The following RTN1 variants were observed in gnomAD, a reference collection of about 807,000 sequenced individuals.
RTN1 encodes reticulon-1.
Under a neutral mutation model 65.5 loss-of-function variants are expected in RTN1, and 25 were observed. That is an observed-to-expected ratio of 0.38 (90% confidence interval 0.28 to 0.53). RTN1 has a LOEUF of 0.53. Among genes scored for constraint, RTN1 ranks in the 20% least tolerant of loss-of-function variants. The probability of loss-of-function intolerance (pLI) is 0.79; values close to 1 mark genes in which losing one functional copy is unlikely to be tolerated. For missense variants in RTN1, 983 were observed against 1,025.4 expected (o/e 0.96, Z 0.57); for synonymous variants, 471 against 447.6 (o/e 1.05, Z -0.66).
At chr14:59,758,410 G>A (rs574211843) in intron 1 of RTN1, among the ~76,000 whole-genome samples, 5 of 152,248 alleles carry the variant, frequency 3.3e-5, no homozygotes, top group Admixed American at 1.3e-4. Context: ...GTCCCAGCCT[G>A]CCTTTAGGGT....
chr14:59,804,074 T>C (rs57581145), intron 1 of RTN1, among the ~76,000 whole-genome samples: 24,089 of 152,070 alleles, frequency 0.16, 2,351 homozygotes, highest in African/African-American at 0.27. Context: ...CATATCTCCT[T>C]AGTTTTTACC....
intron 1 of RTN1, among the ~76,000 whole-genome samples, chr14:59,749,843 TTA>T (rs1170700207): frequency 1.1e-4 from 12 of 112,390 alleles, no homozygotes; most frequent in African/African-American, 3.1e-4. Flanking sequence ...ATATGTATAT[TTA>T]TATATATATC....
Position 59,596,653 on chromosome 14 carries a change from G to A in RTN1, c.*92C>T, listed in dbSNP as rs535207109. The A allele has an allele frequency of 3.3e-5, 32 of 981,338 alleles. No individual in the cohort carries two copies. The East Asian group carries it at 5.5e-4, about 17-fold the overall frequency. 60.8% of individuals were successfully genotyped at this position (981,338 alleles called of 1,614,324 possible). A position where few individuals can be genotyped will look rare whatever the true frequency, so the allele number is the denominator to read the frequency against. ...AGATTATGGTACTGGAGGGAGGGGG[G>A]AAAGACAATCAATTTGCAGTAATGA... On this transcript the variant is annotated 3_prime_UTR_variant, in exon 9 of 9. Transcript: ENST00000267484.
intron 1 of RTN1, among the ~76,000 whole-genome samples, chr14:59,754,322 C>A (rs902402772): frequency 6.6e-6 from 1 of 152,142 alleles, no homozygotes; most frequent in African/African-American, 2.4e-5. Flanking sequence ...TTTAAAAATT[C>A]TCTGGCAACA....
intron 1 of RTN1, among the ~76,000 whole-genome samples, chr14:59,808,801 T>A (rs989394640): frequency 6.6e-6 from 1 of 152,080 alleles, no homozygotes; most frequent in African/African-American, 2.4e-5. Flanking sequence ...TTTAAAAGTG[T>A]GTGGCACCTC....
intron 2 of RTN1, among the ~76,000 whole-genome samples, chr14:59,733,204 G>A (rs1288206909): frequency 6.6e-6 from 1 of 151,838 alleles, no homozygotes; most frequent in African/African-American, 2.4e-5. Flanking sequence ...CAATTCTCCT[G>A]CTTCAGACTC....
chr14:59,599,599 T>G (rs947984341), intron 8 of RTN1, among the ~76,000 whole-genome samples: 2 of 152,184 alleles, frequency 1.3e-5, no homozygotes, highest in Non-Finnish European at 2.9e-5. Flanking sequence ...CATCTCCATT[T>G]TTTTCCACAA....
intron 2 of RTN1, among the ~76,000 whole-genome samples, chr14:59,742,199 T>C (rs538115205): frequency 6.6e-6 from 1 of 152,202 alleles, no homozygotes; most frequent in Non-Finnish European, 1.5e-5. Flanking sequence ...TTTAAGTTGA[T>C]TTACTTTTAA....
intron 1 of RTN1, among the ~76,000 whole-genome samples, chr14:59,791,171 T>G (rs1238116905): frequency 6.6e-6 from 1 of 152,174 alleles, no homozygotes; most frequent in Non-Finnish European, 1.5e-5. Flanking sequence ...CTTAGCATTC[T>G]GTTCTCCTCT....
rs1171291336 is a variant in RTN1 at position 59,750,144 on chromosome 14, A to G, written c.242-3663T>C. Among the ~76,000 whole-genome samples the G allele has an allele frequency of 8.2e-4, 38 of 46,522 alleles. No individual in the cohort carries two copies. In the South Asian group the frequency reaches 0.019, roughly 23 times the overall value. The allele number at this position is 46,522 out of a possible 152,430, so 30.5% of individuals were successfully genotyped here. A position where few individuals can be genotyped will look rare whatever the true frequency, so the allele number is the denominator to read the frequency against. On this transcript the variant is annotated intron_variant, in intron 1 of 8. Transcript: ENST00000267484. ...ATATATTATCTATAATATATAATATATATATTATAGATAATATATATTATA... is the reference window on the plus strand; with the variant it reads ...ATATATTATCTATAATATATAATATGTATATTATAGATAATATATATTATA...
At chr14:59,599,151 A>C (rs1196357922) in intron 8 of RTN1, among the ~76,000 whole-genome samples, 1 of 151,502 alleles carries the variant, frequency 6.6e-6, no homozygotes, top group Non-Finnish European at 1.5e-5. Flanking sequence ...AGCAATTAAA[A>C]CCCCCGAGGT....
chr14:59,602,122 C>T (rs930558356), intron 8 of RTN1, among the ~76,000 whole-genome samples: 5 of 152,234 alleles, frequency 3.3e-5, no homozygotes, highest in Admixed American at 2.6e-4. Context: ...TGAAGCACAT[C>T]ACATATAATC....
chr14:59,752,809 A>C lies in RTN1; in HGVS notation c.242-6328T>G, dbSNP rs574566238. On this transcript the variant is annotated intron_variant, in intron 1 of 8. Transcript: ENST00000267484. ...TACTGAGAACAAGCTATGACTAATT[A>C]ATGCAAATTACAAAGAGGACATTTT... is the stretch of plus-strand genomic sequence containing the variant. Among the ~76,000 whole-genome samples, 94 of 152,342 alleles carry C rather than the reference A, an allele frequency of 6.2e-4. 2 individuals are homozygous for C. In the South Asian group the frequency reaches 0.017, roughly 28 times the overall value.
intron 1 of RTN1, among the ~76,000 whole-genome samples, chr14:59,752,166 C>A (rs1483633493): frequency 6.6e-6 from 1 of 152,172 alleles, no homozygotes; most frequent in Non-Finnish European, 1.5e-5. Context: ...AATTTGCTGA[C>A]TGTCTTAGTC....
Position 59,836,066 on chromosome 14 carries a change from C to G in RTN1, c.241+34324G>C, listed in dbSNP as rs1281292381. Among the ~76,000 whole-genome samples the G allele has an allele frequency of 1.3e-5, 2 of 152,212 alleles. No homozygotes were observed. The highest frequency in any genetic ancestry group is 2.9e-5 in the Non-Finnish European group (2 of 68,046). ...TTCTGATTCCATCATCACATCTCCT[C>G]TCACTCTGACTCTGCTTCTTCCCTC... On this transcript the variant is annotated intron_variant, in intron 1 of 8. Coordinates refer to ENST00000267484, the MANE Select transcript of RTN1 (RefSeq NM_021136.3). The surrounding 1 kb of genome is among the most constrained non-coding windows in gnomAD (Gnocchi z 4.9).
chr14:59,807,170 T>C (rs1051883043), intron 1 of RTN1, among the ~76,000 whole-genome samples: 11 of 152,136 alleles, frequency 7.2e-5, no homozygotes, highest in African/African-American at 2.7e-4. Flanking sequence ...GAGGGCTTTC[T>C]AGGAAGCATG....
chr14:59,707,626 G>C (rs572709457), intron 3 of RTN1, among the ~76,000 whole-genome samples: 1 of 151,850 alleles, frequency 6.6e-6, no homozygotes, highest in Admixed American at 6.6e-5. Context: ...AGCATCATTT[G>C]AAATAAGGAA....
At chr14:59,750,270 C>CTATAATATATATATTATAGA (rs1885451015) in intron 1 of RTN1, among the ~76,000 whole-genome samples, 2 of 39,728 alleles carry the variant, frequency 5.0e-5, no homozygotes, top group African/African-American at 2.9e-4. Flanking sequence ...TATATAATAT[C>CTATAATATATATATTATAGA]TATAATATAT....
intron 3 of RTN1, among the ~76,000 whole-genome samples, chr14:59,720,997 T>G (rs1178320932): frequency 6.6e-6 from 1 of 152,040 alleles, no homozygotes; most frequent in African/African-American, 2.4e-5. Context: ...AGGACTAGGG[T>G]ATAATGACTT....
Sources: gnomAD v4.1 joint callset for allele counts (sites outside exome capture counted in the v4.1 genomes callset) on GRCh38, gnomAD v4.1.1 for gene constraint, Gnocchi (gnomAD v3.1) non-coding constraint, MANE v1.5 for transcripts, NCBI Gene and HGNC (gene_info 2026-07-23, HGNC 2026-07-21) for gene names.